The following TMPRSS11F variants were observed in gnomAD, a reference collection of about 807,000 sequenced individuals.
TMPRSS11F encodes transmembrane serine protease 11F.
A neutral mutation model predicts 60.2 loss-of-function variants in TMPRSS11F; 47 were observed. That is an observed-to-expected ratio of 0.78 (90% CI 0.62 to 1.00). The LOEUF (loss-of-function observed/expected upper bound fraction) is 1.00, where lower values mean the gene tolerates loss of function less well. TMPRSS11F is among the 50% of genes least tolerant of loss of function. The probability of loss-of-function intolerance (pLI) is 0.00; values close to 1 mark genes in which losing one functional copy is unlikely to be tolerated. For synonymous variants in TMPRSS11F, 166 were observed against 167.3 expected (o/e 0.99, Z 0.06); for missense variants, 519 against 522.9 (o/e 0.99, Z 0.07).
In TMPRSS11F at chr4:68,121,930, G is replaced by A. The variant is rs564316086; in HGVS notation, c.11+7880C>T. Among the ~76,000 whole-genome samples, 6 of 152,282 alleles carry A rather than the reference G, an allele frequency of 3.9e-5. No homozygotes were observed. The South Asian group carries it at 1.2e-3, about 32-fold the overall frequency. ...TTTGAGAGCTTCTCATTCTTGGAAT[G>A]CTCCCTTCTAATGCCAAGTGGCCTT... On this transcript the variant is annotated intron_variant, in intron 1 of 9. Coordinates refer to ENST00000356291, the MANE Select transcript of TMPRSS11F (RefSeq NM_207407.2).
chr4:68,055,747 A>C (rs1723030801), intron 9 of TMPRSS11F, among the ~76,000 whole-genome samples: 1 of 152,190 alleles, frequency 6.6e-6, no homozygotes, highest in African/African-American at 2.4e-5. Context: ...TTGATACTAA[A>C]GCCAGATAAG....
At chr4:68,061,320 G>A (rs752714616) in intron 8 of TMPRSS11F, among the ~76,000 whole-genome samples, 6 of 152,258 alleles carry the variant, frequency 3.9e-5, no homozygotes, top group South Asian at 2.1e-4. Context: ...CTTTCAAGCC[G>A]TATGAGCAAA....
Position 68,094,359 on chromosome 4 carries a change from T to G in TMPRSS11F, c.164-3718A>C, listed in dbSNP as rs1163318634. On this transcript the variant is annotated intron_variant, in intron 2 of 9. Transcript: ENST00000356291. The stretch of plus-strand genomic sequence containing the variant: ...GTGGGAATTGAACAATGAGAACACA[T>G]GGACACAAGAAGGGGAACATCACAC... Among the ~76,000 whole-genome samples the G allele has an allele frequency of 9.5e-3, 1,216 of 128,000 alleles. 23 individuals carry two copies. Among genetic ancestry groups the G allele is most frequent in the African/African-American group, 0.034 (1,156 of 34,416 alleles). 84.0% of individuals were successfully genotyped at this position (128,000 alleles called of 152,430 possible). A position where few individuals can be genotyped will look rare whatever the true frequency, so the allele number is the denominator to read the frequency against.
intron 1 of TMPRSS11F, among the ~76,000 whole-genome samples, chr4:68,124,261 AGGGGCCAAGGGCAT>A (rs1413901675): frequency 4.0e-5 from 6 of 151,570 alleles, no homozygotes; most frequent in Admixed American, 3.3e-4. Flanking sequence ...ATAAAGCTGT[AGGGGCCAAGGGCAT>A]GGTGCCTCGC....
chr4:68,093,182 C>G (rs1000402854), intron 2 of TMPRSS11F, among the ~76,000 whole-genome samples: 2 of 152,144 alleles, frequency 1.3e-5, no homozygotes, highest in Non-Finnish European at 2.9e-5. Context: ...TTACTACATA[C>G]CATGCACTGT....
chr4:68,104,567 T>G (rs1409586051), intron 1 of TMPRSS11F, among the ~76,000 whole-genome samples: 3 of 152,148 alleles, frequency 2.0e-5, no homozygotes, highest in Non-Finnish European at 4.4e-5. Flanking sequence ...CTGCCATGAT[T>G]ATAAGTTTCC....
intron 9 of TMPRSS11F, among the ~76,000 whole-genome samples, chr4:68,055,983 G>C (rs1488419301): frequency 2.0e-5 from 3 of 152,016 alleles, no homozygotes; most frequent in African/African-American, 7.2e-5. Flanking sequence ...AAAAGCTTTT[G>C]AAAAAATTCA....
At chr4:68,078,856 C>T (rs1723638258) in intron 3 of TMPRSS11F, among the ~76,000 whole-genome samples, 1 of 152,002 alleles carries the variant, frequency 6.6e-6, no homozygotes, top group African/African-American at 2.4e-5. Flanking sequence ...ACTCAGGGAA[C>T]AGGGAGAAAA....
chr4:68,054,240 A>G (rs773051361), intron 9 of TMPRSS11F, among the ~76,000 whole-genome samples, 173 bp from the exon 10 acceptor site: 6 of 152,096 alleles, frequency 3.9e-5, no homozygotes, highest in Non-Finnish European at 8.8e-5. Flanking sequence ...TTTAAAGGGC[A>G]TTGTTTTTCA....
At chr4:68,108,357 A>G (rs995295137) in intron 1 of TMPRSS11F, among the ~76,000 whole-genome samples, 1 of 152,216 alleles carries the variant, frequency 6.6e-6, no homozygotes, top group Non-Finnish European at 1.5e-5. Flanking sequence ...ACTCTAGTGT[A>G]TAACACAGAC....
At chr4:68,054,268 A>G (rs1286106266) in intron 9 of TMPRSS11F, among the ~76,000 whole-genome samples, 5 of 152,048 alleles carry the variant, frequency 3.3e-5, no homozygotes, top group Non-Finnish European at 7.4e-5. Flanking sequence ...GCTAACATTC[A>G]TTCACAGGAA....
chr4:68,090,702 C>A, intron 2 of TMPRSS11F, 61 bp from the exon 3 acceptor site: 1 of 1,546,242 alleles, frequency 6.5e-7, no homozygotes. Flanking sequence ...TTGTCCCCTA[C>A]GTCTTGCCCA....
chr4:68,107,947 A>T (rs1174438596), intron 1 of TMPRSS11F, among the ~76,000 whole-genome samples: 1 of 152,182 alleles, frequency 6.6e-6, no homozygotes, highest in Non-Finnish European at 1.5e-5. Flanking sequence ...AATTTAAAAA[A>T]AAGAACCACT....
At chr4:68,062,945 A>C (rs761633341) in intron 8 of TMPRSS11F, 2 of 780,178 alleles carry the variant, frequency 2.6e-6, no homozygotes, top group Non-Finnish European at 4.6e-6. Flanking sequence ...AAGCAGGCTA[A>C]TGAGAATTTC....
At chr4:68,093,817 A>G (rs1724006229) in intron 2 of TMPRSS11F, among the ~76,000 whole-genome samples, 1 of 151,078 alleles carries the variant, frequency 6.6e-6, no homozygotes, top group Non-Finnish European at 1.5e-5. Context: ...ATCACTGGCC[A>G]TCAGAGAACT....
At position 68,097,976 on chromosome 4, in the gene TMPRSS11F, C is replaced by A. The variant is rs186160342; in HGVS notation, c.163+911G>T. Reference sequence around the variant, plus strand: ...TTTATTGCTATGACTGATATGAGTGCCTAAAATTTTAAGTCTCAATCACCT... The same window carrying A: ...TTTATTGCTATGACTGATATGAGTGACTAAAATTTTAAGTCTCAATCACCT... On this transcript the variant is annotated intron_variant, in intron 2 of 9. Coordinates refer to ENST00000356291, the MANE Select transcript of TMPRSS11F (RefSeq NM_207407.2). Among the ~76,000 whole-genome samples the A allele has an allele frequency of 1.0e-3, 159 of 152,092 alleles. 2 individuals are homozygous for A. The highest frequency in any genetic ancestry group is 7.5e-4 in the Non-Finnish European group (51 of 67,986).
At chr4:68,117,994 T>C (rs986177027) in intron 1 of TMPRSS11F, among the ~76,000 whole-genome samples, 1 of 152,216 alleles carries the variant, frequency 6.6e-6, no homozygotes, top group Non-Finnish European at 1.5e-5. Context: ...CTGAATATTG[T>C]TGTGTCCCAA....
intron 1 of TMPRSS11F, among the ~76,000 whole-genome samples, chr4:68,106,551 T>C (rs1724304865): frequency 6.6e-6 from 1 of 152,160 alleles, no homozygotes; most frequent in African/African-American, 2.4e-5. Context: ...GTCATTATGA[T>C]AAGTGACTTC....
chr4:68,083,701 A>G (rs1723751149), intron 3 of TMPRSS11F, among the ~76,000 whole-genome samples: 1 of 152,212 alleles, frequency 6.6e-6, no homozygotes, highest in African/African-American at 2.4e-5. Context: ...AGCAAATTCA[A>G]AAAGATAAAG....
Sources: allele counts gnomAD v4.1 joint callset (sites outside exome capture counted in the v4.1 genomes callset), GRCh38; gene constraint gnomAD v4.1.1; transcripts MANE v1.5; gene names NCBI Gene and HGNC (gene_info 2026-07-23, HGNC 2026-07-21).